ASCC1: variants seen among roughly 807,000 people sequenced by gnomAD.
ASCC1 encodes the protein ASC-1 complex subunit P50.
A neutral mutation model predicts 46.6 loss-of-function variants in ASCC1; 35 were observed. The ratio of observed to expected loss-of-function variants is 0.75; its 90% CI spans 0.57 to 0.99. The LOEUF (loss-of-function observed/expected upper bound fraction) is 0.99, where lower values mean the gene tolerates loss of function less well. ASCC1 is among the 50% of genes least tolerant of loss of function. The probability of loss-of-function intolerance (pLI) is 0.00; values close to 1 mark genes in which losing one functional copy is unlikely to be tolerated. For missense variants in ASCC1, 376 were observed against 428.7 expected (o/e 0.88, Z 1.09); for synonymous variants, 143 against 146.6 (o/e 0.98, Z 0.18).
intron 9 of ASCC1, among the ~76,000 whole-genome samples, chr10:72,125,196 G>A (rs1389388050): frequency 2.6e-5 from 4 of 152,168 alleles, no homozygotes; most frequent in African/African-American, 7.2e-5. Context: ...ACAGCAATGA[G>A]CAATGACTTT....
chr10:72,172,834 T>TA (rs1851349053), intron 5 of ASCC1, among the ~76,000 whole-genome samples: 2 of 133,990 alleles, frequency 1.5e-5, no homozygotes, highest in African/African-American at 2.8e-5. Context: ...TATTTTATAT[T>TA]TTTATATTAT....
chr10:72,148,323 C>G (rs1333700646), intron 7 of ASCC1, among the ~76,000 whole-genome samples: 1 of 152,160 alleles, frequency 6.6e-6, no homozygotes, highest in East Asian at 1.9e-4. Context: ...GAATAAAGTA[C>G]TGGGTCCATA....
At chr10:72,136,153 G>T (rs1846161439) in intron 7 of ASCC1, among the ~76,000 whole-genome samples, 1 of 152,196 alleles carries the variant, frequency 6.6e-6, no homozygotes, top group Non-Finnish European at 1.5e-5. Flanking sequence ...CTCCCAAGTT[G>T]TTGGGACTAC....
chr10:72,120,961 A>C (rs991904929), intron 9 of ASCC1, among the ~76,000 whole-genome samples: 7 of 152,212 alleles, frequency 4.6e-5, no homozygotes, highest in Admixed American at 1.3e-4. Context: ...ATAGAAACAA[A>C]GAACAAGGGC....
intron 6 of ASCC1, among the ~76,000 whole-genome samples, chr10:72,158,333 C>T (rs951056103): frequency 2.0e-5 from 3 of 152,194 alleles, no homozygotes; most frequent in Admixed American, 6.5e-5. Context: ...TCCCTTTAAA[C>T]TTCTTTGGTT....
At chr10:72,144,255 G>C (rs551534199) in intron 7 of ASCC1, among the ~76,000 whole-genome samples, 1 of 152,122 alleles carries the variant, frequency 6.6e-6, no homozygotes, top group Non-Finnish European at 1.5e-5. Flanking sequence ...GATTACAGGC[G>C]TGAGCCACCA....
At chr10:72,214,032 C>T (rs1031946008) in intron 1 of ASCC1, among the ~76,000 whole-genome samples, 1 of 149,416 alleles carries the variant, frequency 6.7e-6, no homozygotes, top group Non-Finnish European at 1.5e-5. Flanking sequence ...AGCACAACTC[C>T]GTCTTAAAAA....
intron 4 of ASCC1, 115 bp downstream of exon 4, chr10:72,203,312 A>C: frequency 1.2e-6 from 1 of 820,148 alleles, no homozygotes; most frequent in South Asian, 1.5e-5. Flanking sequence ...GAAAAGAAAA[A>C]GCCCATAGCT....
At chr10:72,190,102 G>A in intron 5 of ASCC1, 1 of 759,018 alleles carries the variant, frequency 1.3e-6, no homozygotes, top group Non-Finnish European at 2.4e-6. Flanking sequence ...TGGGCTGCAA[G>A]ACCAAGCAAG....
At chr10:72,170,497 T>C (rs1850932463) in intron 5 of ASCC1, among the ~76,000 whole-genome samples, 1 of 150,656 alleles carries the variant, frequency 6.6e-6, no homozygotes, top group Non-Finnish European at 1.5e-5. Context: ...GAATCCTGGC[T>C]ACTCAGGAGG....
chr10:72,118,013 A>G (rs1332213282), intron 9 of ASCC1, among the ~76,000 whole-genome samples: 1 of 152,246 alleles, frequency 6.6e-6, no homozygotes, highest in Non-Finnish European at 1.5e-5. Context: ...TAATCAAGGA[A>G]AGACTTTCTG....
In ASCC1 at chr10:72,176,608, G is replaced by A. The variant is rs140537287; in HGVS notation, c.490-14934C>T. Among the ~76,000 whole-genome samples, 1,410 of 152,128 alleles carry A rather than the reference G, an allele frequency of 9.3e-3. 29 individuals are homozygous for A. The highest frequency in any genetic ancestry group is 0.032 in the African/African-American group (1,346 of 41,496). On this transcript the variant is annotated intron_variant, in intron 5 of 9. Transcript: ENST00000672957. ...GATCCTCCCACCTCAGCCTCCCAAA[G>A]TGTTAAGATTACAGGTGTGAGCTAC... is the stretch of plus-strand genomic sequence containing the variant.
chr10:72,172,035 A>G (rs113234898), intron 5 of ASCC1, among the ~76,000 whole-genome samples: 19 of 152,358 alleles, frequency 1.2e-4, no homozygotes, highest in African/African-American at 4.3e-4. Flanking sequence ...TCTCCAGCCT[A>G]CACGGTGGTT....
intron 9 of ASCC1, among the ~76,000 whole-genome samples, chr10:72,103,242 C>G (rs1841994010): frequency 6.6e-6 from 1 of 151,636 alleles, no homozygotes; most frequent in Non-Finnish European, 1.5e-5. Context: ...ATGCCATTCT[C>G]CTGCCTCAGC....
intron 5 of ASCC1, among the ~76,000 whole-genome samples, chr10:72,163,666 A>G (rs1014388737): frequency 1.3e-5 from 2 of 151,538 alleles, no homozygotes; most frequent in Non-Finnish European, 2.9e-5. Flanking sequence ...ACCTGGGAGG[A>G]AAAGGTTGCA....
At chr10:72,157,150 AT>A (rs1412539175) in intron 6 of ASCC1, among the ~76,000 whole-genome samples, 1 of 152,204 alleles carries the variant, frequency 6.6e-6, no homozygotes, top group Non-Finnish European at 1.5e-5. Context: ...CTTGATCATA[AT>A]AAGTCTTCCT....
chr10:72,147,442 A>G (rs55899727), intron 7 of ASCC1, among the ~76,000 whole-genome samples: 23,962 of 151,822 alleles, frequency 0.16, 5,997 homozygotes, highest in African/African-American at 0.53. Flanking sequence ...TAGTAGAGAC[A>G]AGGTTTCGCC....
At chr10:72,180,366 C>T (rs1852422562) in intron 5 of ASCC1, among the ~76,000 whole-genome samples, 1 of 152,056 alleles carries the variant, frequency 6.6e-6, no homozygotes, top group Non-Finnish European at 1.5e-5. Context: ...TGGATCACAC[C>T]TGTAATCCCA....
At chr10:72,158,958 A>G (rs1233331917) in intron 6 of ASCC1, 5 of 152,256 alleles carry the variant, frequency 3.3e-5, no homozygotes, top group Non-Finnish European at 5.9e-5. Context: ...GAGATTTAAC[A>G]GAAGTACCCT....
Sources: allele counts gnomAD v4.1 joint callset (sites outside exome capture counted in the v4.1 genomes callset), GRCh38; gene constraint gnomAD v4.1.1; transcripts MANE v1.5; gene names NCBI Gene and HGNC (gene_info 2026-07-23, HGNC 2026-07-21).